Variants in CCDC83 observed in about 807,000 individuals in gnomAD.
CCDC83 encodes coiled-coil domain-containing protein 83.
A neutral mutation model predicts 50.1 loss-of-function variants in CCDC83; 54 were observed. That is an observed-to-expected ratio of 1.08 (90% CI 0.87 to 1.35). The LOEUF is 1.35. CCDC83 is among the 40% of genes most tolerant of loss of function. The pLI, the probability that CCDC83 is intolerant of heterozygous loss-of-function variation, is 0.00. For synonymous variants in CCDC83, 161 were observed against 153.3 expected (o/e 1.05, Z -0.37); for missense variants, 518 against 473.9 (o/e 1.09, Z -0.86).
At chr11:85,888,965 A>T (rs915968875) in intron 5 of CCDC83, among the ~76,000 whole-genome samples, 3 of 152,234 alleles carry the variant, frequency 2.0e-5, no homozygotes, top group African/African-American at 7.2e-5. Flanking sequence ...CATTTTCAAA[A>T]TTTCAAATAT....
At chr11:85,886,807 A>C (rs1372545619) in intron 5 of CCDC83, among the ~76,000 whole-genome samples, 1 of 152,174 alleles carries the variant, frequency 6.6e-6, no homozygotes, top group Non-Finnish European at 1.5e-5. Flanking sequence ...CAGCTACTTG[A>C]GAGGCTGAGG....
intron 5 of CCDC83, 21 bp from the exon 6 acceptor site, chr11:85,895,272 T>A (rs775967727): frequency 5.4e-6 from 4 of 735,338 alleles, no homozygotes; most frequent in African/African-American, 5.5e-5. Context: ...TTCTTTTTTT[T>A]TTTTTTTTTT....
At chr11:85,857,916 G>T (rs142914145) in intron 1 of CCDC83, among the ~76,000 whole-genome samples, 1 of 152,230 alleles carries the variant, frequency 6.6e-6, no homozygotes, top group South Asian at 2.1e-4. Flanking sequence ...CACAGGCTGT[G>T]TTAACATCAT....
chr11:85,912,578 C>G lies in CCDC83; in HGVS notation c.794+1176C>G, dbSNP rs1042626264. The G allele has an allele frequency of 5.7e-6, 5 of 877,092 alleles. No homozygotes were observed. The African/African-American group carries it at 8.2e-5, about 14-fold the overall frequency. The allele number at this position is 877,092 out of a possible 1,614,324, so 54.3% of individuals were successfully genotyped here. ...TCTTGAGCTGATGCCCTAGAGGGCCCCTAGGGGTAGGTGCTCACTGTTGCC... is the reference window on the plus strand; with the variant it reads ...TCTTGAGCTGATGCCCTAGAGGGCCGCTAGGGGTAGGTGCTCACTGTTGCC... On this transcript the variant is annotated intron_variant, in intron 8 of 10. Coordinates refer to ENST00000342404, the MANE Select transcript of CCDC83 (RefSeq NM_001286159.2).
At chr11:85,884,010 G>A (rs1385580755) in intron 4 of CCDC83, among the ~76,000 whole-genome samples, 1 of 152,176 alleles carries the variant, frequency 6.6e-6, no homozygotes, top group East Asian at 1.9e-4. Flanking sequence ...ATATTTGGAA[G>A]GAATACTTTA....
chr11:85,912,707 T>C, intron 8 of CCDC83: 7 of 1,611,926 alleles, frequency 4.3e-6, no homozygotes, highest in Non-Finnish European at 5.9e-6. Flanking sequence ...GCTGCTGCCT[T>C]TGGAATCATG....
chr11:85,904,142 T>C (rs965200421), intron 7 of CCDC83, among the ~76,000 whole-genome samples: 1 of 152,196 alleles, frequency 6.6e-6, no homozygotes, highest in Non-Finnish European at 1.5e-5. Context: ...AAAGGGGTTT[T>C]GTTCTTGACT....
intron 10 of CCDC83, among the ~76,000 whole-genome samples, chr11:85,918,474 G>A (rs1273999753): frequency 2.0e-5 from 3 of 152,208 alleles, no homozygotes; most frequent in Non-Finnish European, 4.4e-5. Flanking sequence ...AGACTTCCTG[G>A]AGGAAGGGAC....
At chr11:85,857,390 A>G (rs1012144768) in intron 1 of CCDC83, among the ~76,000 whole-genome samples, 1 of 152,218 alleles carries the variant, frequency 6.6e-6, no homozygotes, top group Non-Finnish European at 1.5e-5. Context: ...TACGCCTGGA[A>G]GGGCGAAACA....
intron 5 of CCDC83, among the ~76,000 whole-genome samples, chr11:85,887,115 C>A (rs1255461530): frequency 6.6e-6 from 1 of 152,036 alleles, no homozygotes; most frequent in Non-Finnish European, 1.5e-5. Flanking sequence ...AAGTTGTAAC[C>A]AGGGAAAAAC....
intron 7 of CCDC83, among the ~76,000 whole-genome samples, chr11:85,905,314 T>C (rs535292864): frequency 1.3e-5 from 2 of 151,924 alleles, no homozygotes; most frequent in Non-Finnish European, 2.9e-5. Context: ...TGATGGTGCA[T>C]GCCTGTAATC....
At chr11:85,908,710 C>T (rs2093437858) in intron 7 of CCDC83, among the ~76,000 whole-genome samples, 2 of 151,362 alleles carry the variant, frequency 1.3e-5, no homozygotes, top group Middle Eastern at 3.4e-3. Flanking sequence ...TTGAGACCAA[C>T]CTGACCAACA....
At chr11:85,859,348 A>G (rs1270629858) in intron 1 of CCDC83, among the ~76,000 whole-genome samples, 1 of 152,164 alleles carries the variant, frequency 6.6e-6, no homozygotes, top group Non-Finnish European at 1.5e-5. Context: ...ACCAAAACAG[A>G]GCCCTAATCA....
At chr11:85,909,251 T>C (rs1474926817) in intron 7 of CCDC83, among the ~76,000 whole-genome samples, 4 of 152,144 alleles carry the variant, frequency 2.6e-5, no homozygotes, top group African/African-American at 9.7e-5. Context: ...GCAGAAAATG[T>C]TATCATCTCC....
At chr11:85,880,988 T>C (rs566963225) in intron 3 of CCDC83, among the ~76,000 whole-genome samples, 29 of 152,338 alleles carry the variant, frequency 1.9e-4, no homozygotes, top group African/African-American at 1.9e-4. Flanking sequence ...AAACTGTGTT[T>C]GGTGTGCCTG....
chr11:85,898,583 A>G (rs1382134030), intron 6 of CCDC83, among the ~76,000 whole-genome samples: 1 of 152,214 alleles, frequency 6.6e-6, no homozygotes, highest in Admixed American at 6.5e-5. Flanking sequence ...TGTTTTTGCT[A>G]TATGTTGGAT....
At chr11:85,878,466 T>G (rs2093280576) in intron 3 of CCDC83, among the ~76,000 whole-genome samples, 1 of 152,254 alleles carries the variant, frequency 6.6e-6, no homozygotes, top group Admixed American at 6.5e-5. Flanking sequence ...CTTTTTAAAA[T>G]TCAGCATAAC....
intron 3 of CCDC83, 142 bp downstream of exon 3, chr11:85,873,437 T>C (rs557947828): frequency 2.3e-6 from 1 of 443,074 alleles, no homozygotes; most frequent in South Asian, 5.5e-5. Context: ...TCTATTTAAG[T>C]TTCTTTATAC....
At position 85,916,158 on chromosome 11, in the gene CCDC83, A is replaced by G. The variant is rs1254270879; in HGVS notation, c.1005A>G (p.Lys335=). The part of the protein sequence containing the change: ...IEDLQYVKID[K]EENSGTEFGD... The stretch of plus-strand genomic sequence containing the variant: ...ATCTCCAGTATGTGAAGATAGATAA[A>G]GAGGAAAACTCAGGCACAGAGTTTG... The change falls in exon 10 of 11, where the codon AAA becomes AAG. Residue 335 remains lysine (K), a synonymous_variant. Coordinates refer to ENST00000342404, the MANE Select transcript of CCDC83 (RefSeq NM_001286159.2). The G allele has an allele frequency of 1.2e-6, 2 of 1,613,470 alleles. No homozygotes were observed. The highest frequency in any genetic ancestry group is 1.3e-5 in the African/African-American group (1 of 74,908).
Sources: allele counts gnomAD v4.1 joint callset (sites outside exome capture counted in the v4.1 genomes callset), GRCh38; gene constraint gnomAD v4.1.1; transcripts MANE v1.5; gene names NCBI Gene and HGNC (gene_info 2026-07-23, HGNC 2026-07-21).